MAGI2: variants seen among roughly 807,000 people sequenced by gnomAD.
MAGI2 encodes the protein membrane associated guanylate kinase, WW and PDZ domain containing 2.
A neutral mutation model predicts 133.3 loss-of-function variants in MAGI2; 35 were observed. The ratio of observed to expected loss-of-function variants is 0.26; its 90% CI spans 0.20 to 0.35. MAGI2 has a LOEUF of 0.35. MAGI2 is among the 10% of genes least tolerant of loss of function. The probability of loss-of-function intolerance (pLI) is 1.00; values close to 1 mark genes in which losing one functional copy is unlikely to be tolerated. For missense variants in MAGI2, 1,636 were observed against 1,863.4 expected (o/e 0.88, Z 2.25); for synonymous variants, 729 against 710.6 (o/e 1.03, Z -0.41).
At chr7:78,066,676 T>C (rs919608759) in intron 21 of MAGI2, among the ~76,000 whole-genome samples, 6 of 152,070 alleles carry the variant, frequency 3.9e-5, no homozygotes, top group African/African-American at 1.4e-4. Flanking sequence ...CAAAGATGAG[T>C]ACTAGAAATT....
At chr7:79,318,334 C>A (rs899329280) in intron 1 of MAGI2, among the ~76,000 whole-genome samples, 1 of 151,896 alleles carries the variant, frequency 6.6e-6, no homozygotes, top group Non-Finnish European at 1.5e-5. Flanking sequence ...AAGGTGCTGG[C>A]CAAGTGGGTT....
chr7:79,241,456 G>C (rs1050936681), intron 1 of MAGI2, among the ~76,000 whole-genome samples: 4 of 152,122 alleles, frequency 2.6e-5, no homozygotes, highest in African/African-American at 9.7e-5. Flanking sequence ...ACCACAGGAG[G>C]AATTTAGTTT....
chr7:78,472,101 T>C (rs1174711730), intron 6 of MAGI2, among the ~76,000 whole-genome samples: 3 of 152,116 alleles, frequency 2.0e-5, no homozygotes, highest in African/African-American at 4.8e-5. Context: ...GAGCACTCTC[T>C]GGATAGTATC....
At chr7:78,948,409 T>C (rs905445060) in intron 2 of MAGI2, among the ~76,000 whole-genome samples, 6 of 152,084 alleles carry the variant, frequency 3.9e-5, no homozygotes, top group Non-Finnish European at 7.4e-5. Context: ...TTCAGATTAT[T>C]CATTTTCATG....
chr7:79,171,000 CA>C (rs544854999), intron 1 of MAGI2, among the ~76,000 whole-genome samples: 30 of 152,104 alleles, frequency 2.0e-4, no homozygotes, highest in African/African-American at 7.2e-4. Context: ...CATAAACTAT[CA>C]TAATGTTTAT....
intron 3 of MAGI2, among the ~76,000 whole-genome samples, chr7:78,626,292 T>C (rs956075042): frequency 7.9e-5 from 12 of 152,204 alleles, no homozygotes; most frequent in African/African-American, 2.7e-4. Context: ...GATACATATT[T>C]TCATTAGATA....
intron 1 of MAGI2, among the ~76,000 whole-genome samples, chr7:79,269,985 C>T (rs188726378): frequency 3.9e-5 from 6 of 152,118 alleles, no homozygotes; most frequent in African/African-American, 1.4e-4. Flanking sequence ...CCCAGTTGCT[C>T]CTATAAAAAA....
intron 4 of MAGI2, among the ~76,000 whole-genome samples, chr7:78,521,029 T>C (rs1289313137): frequency 1.3e-5 from 2 of 152,188 alleles, no homozygotes; most frequent in Non-Finnish European, 2.9e-5. Flanking sequence ...TTTCGAAGAA[T>C]AGATTTTCTC....
At chr7:78,235,126 T>C (rs546832303) in intron 10 of MAGI2, among the ~76,000 whole-genome samples, 15 of 152,318 alleles carry the variant, frequency 9.8e-5, no homozygotes, top group Non-Finnish European at 1.6e-4. Flanking sequence ...ATAATTTGAA[T>C]AAACTGATTG....
chr7:78,944,068 C>A (rs1411657083), intron 2 of MAGI2, among the ~76,000 whole-genome samples: 1 of 152,138 alleles, frequency 6.6e-6, no homozygotes, highest in Non-Finnish European at 1.5e-5. Flanking sequence ...TACACAGGTG[C>A]TAAGTAAATT....
At chr7:78,301,295 T>C (rs1174071790) in intron 9 of MAGI2, among the ~76,000 whole-genome samples, 1 of 152,092 alleles carries the variant, frequency 6.6e-6, no homozygotes, top group East Asian at 1.9e-4. Context: ...ATATAAAACT[T>C]TCAAGAAAGA....
intron 6 of MAGI2, among the ~76,000 whole-genome samples, chr7:78,441,876 CT>C (rs1787670584): frequency 6.6e-6 from 1 of 152,122 alleles, no homozygotes; most frequent in Admixed American, 6.5e-5. Context: ...CCTCACATCT[CT>C]TTCATACTTT....
At chr7:79,236,543 C>A (rs1213586097) in intron 1 of MAGI2, among the ~76,000 whole-genome samples, 1 of 152,208 alleles carries the variant, frequency 6.6e-6, no homozygotes, top group Non-Finnish European at 1.5e-5. Flanking sequence ...AGCTGACCAG[C>A]AATCTCCATT....
At chr7:78,118,264 C>G (rs4451241) in intron 20 of MAGI2, among the ~76,000 whole-genome samples, 130,487 of 152,160 alleles carry the variant, frequency 0.86, 56,359 homozygotes, top group African/African-American at 0.91. Context: ...GATAACATAG[C>G]AGAAAATCTA....
At chr7:79,077,145 AAACATTTACTG>A (rs1815534870) in intron 1 of MAGI2, among the ~76,000 whole-genome samples, 1 of 152,178 alleles carries the variant, frequency 6.6e-6, no homozygotes, top group African/African-American at 2.4e-5. Context: ...GTCCAAATTA[AAACATTTACTG>A]AAGGTGATTT....
At chr7:78,982,309 A>G (rs960654156) in intron 2 of MAGI2, among the ~76,000 whole-genome samples, 6 of 151,934 alleles carry the variant, frequency 3.9e-5, no homozygotes, top group African/African-American at 1.4e-4. Flanking sequence ...CCAGAACCAC[A>G]AATTCTTCAT....
intron 1 of MAGI2, among the ~76,000 whole-genome samples, chr7:79,235,424 T>C (rs1279278218): frequency 6.6e-6 from 1 of 152,176 alleles, no homozygotes; most frequent in Non-Finnish European, 1.5e-5. Context: ...GATCTCAGAC[T>C]GCTGTGCTAG....
intron 21 of MAGI2, among the ~76,000 whole-genome samples, chr7:78,057,370 G>A (rs1812692650): frequency 6.6e-6 from 1 of 152,104 alleles, no homozygotes; most frequent in African/African-American, 2.4e-5. Flanking sequence ...AGCCTCCCGG[G>A]TAGCTAGGAT....
At chr7:79,184,766 A>C (rs1490717023) in intron 1 of MAGI2, among the ~76,000 whole-genome samples, 1 of 151,854 alleles carries the variant, frequency 6.6e-6, no homozygotes. Context: ...ATTCTATCAA[A>C]GTTTTGTAAT....
Sources: allele counts gnomAD v4.1 joint callset (sites outside exome capture counted in the v4.1 genomes callset), GRCh38; gene constraint gnomAD v4.1.1; transcripts MANE v1.5; gene names NCBI Gene and HGNC (gene_info 2026-07-23, HGNC 2026-07-21).